The following LONRF2 variants were observed in gnomAD, a reference collection of about 807,000 sequenced individuals.
LONRF2 encodes the protein LON peptidase N-terminal domain and RING finger protein 2.
A neutral mutation model predicts 66.6 loss-of-function variants in LONRF2; 35 were observed. That is an observed-to-expected ratio of 0.53 (90% CI 0.40 to 0.70). The LOEUF (loss-of-function observed/expected upper bound fraction) is 0.70, where lower values mean the gene tolerates loss of function less well. Among genes scored for constraint, LONRF2 ranks in the 30% least tolerant of loss-of-function variants. The pLI is 0.00. For missense variants in LONRF2, 902 were observed against 1,002.1 expected (o/e 0.90, Z 1.35); for synonymous variants, 417 against 418.1 (o/e 1.00, Z 0.03).
In LONRF2 at chr2:100,294,122, G is replaced by A. The variant is rs111889373; in HGVS notation, c.1757+107C>T. The A allele has an allele frequency of 4.9e-4, 644 of 1,317,276 alleles. 5 individuals are homozygous for A. In the African/African-American group the frequency reaches 8.4e-3, roughly 17 times the overall value. 81.6% of individuals were successfully genotyped at this position (1,317,276 alleles called of 1,614,324 possible). A position where few individuals can be genotyped will look rare whatever the true frequency, so the allele number is the denominator to read the frequency against. The stretch of plus-strand genomic sequence containing the variant: ...TTGAACTTGGACTTTGTTACGTAAC[G>A]GGAGCCACTGGAGGTTTTCAAGCAT... On this transcript the variant is annotated intron_variant, in intron 9 of 11. Coordinates refer to ENST00000393437, the MANE Select transcript of LONRF2 (RefSeq NM_198461.4).
chr2:100,299,649 AT>A, intron 5 of LONRF2, 67 bp downstream of exon 5: 2 of 1,228,380 alleles, frequency 1.6e-6, no homozygotes, highest in Non-Finnish European at 2.3e-6. Flanking sequence ...TAAAAAATAT[AT>A]TGAATACTAG....
At chr2:100,316,103 G>A (rs928514701) in intron 1 of LONRF2, among the ~76,000 whole-genome samples, 2 of 152,012 alleles carry the variant, frequency 1.3e-5, no homozygotes, top group East Asian at 1.9e-4. Flanking sequence ...GGCAGATCAC[G>A]AGGTCAGAGA....
intron 2 of LONRF2, among the ~76,000 whole-genome samples, chr2:100,304,468 C>T (rs1346467859): frequency 6.6e-6 from 1 of 152,056 alleles, no homozygotes; most frequent in Admixed American, 6.6e-5. Context: ...TAGTTTCCAT[C>T]TCCCTGTTGA....
intron 1 of LONRF2, among the ~76,000 whole-genome samples, chr2:100,311,864 C>T (rs552101047): frequency 4.6e-5 from 7 of 152,166 alleles, no homozygotes; most frequent in Non-Finnish European, 8.8e-5. Flanking sequence ...TGTCTAGTAC[C>T]GAATTATCCT....
intron 1 of LONRF2, among the ~76,000 whole-genome samples, chr2:100,312,183 A>G (rs1007809909): frequency 3.9e-5 from 6 of 152,150 alleles, no homozygotes; most frequent in African/African-American, 1.2e-4. Context: ...GAGCATCTCA[A>G]TTTTTTTGAA....
chr2:100,277,043 T>G lies in LONRF2; in HGVS notation c.*7255A>C, dbSNP rs1368812231. On this transcript the variant is annotated 3_prime_UTR_variant, in exon 12 of 12. Coordinates refer to ENST00000393437, the MANE Select transcript of LONRF2 (RefSeq NM_198461.4). Reference sequence around the variant, plus strand: ...CGAGGTTCTGATGGCAATGTAGTCCTCATTTACAAATTTTACTTAATCTTC... The same window carrying G: ...CGAGGTTCTGATGGCAATGTAGTCCGCATTTACAAATTTTACTTAATCTTC... 6.6e-6 allele frequency: 1 copy of G among 152,252 alleles called. No homozygotes were observed. Among genetic ancestry groups the G allele is most frequent in the African/African-American group, 2.4e-5 (1 of 41,468 alleles). The allele number at this position is 152,252 out of a possible 1,614,324, so 9.4% of individuals were successfully genotyped here. A position where few individuals can be genotyped will look rare whatever the true frequency, so the allele number is the denominator to read the frequency against.
intron 2 of LONRF2, among the ~76,000 whole-genome samples, chr2:100,304,776 A>AC (rs1221542931): frequency 1.4e-5 from 2 of 144,204 alleles, no homozygotes; most frequent in African/African-American, 5.2e-5. Context: ...GGCGCCTGCC[A>AC]CCATGCCTGG....
At chr2:100,304,312 C>T (rs1315623565) in intron 2 of LONRF2, among the ~76,000 whole-genome samples, 3 of 150,770 alleles carry the variant, frequency 2.0e-5, no homozygotes, top group African/African-American at 7.3e-5. Flanking sequence ...CCCTGCCTGG[C>T]TAATTTTTTT....
chr2:100,284,905 C>A (rs1466975014), intron 11 of LONRF2, among the ~76,000 whole-genome samples: 1 of 152,134 alleles, frequency 6.6e-6, no homozygotes, highest in East Asian at 1.9e-4. Flanking sequence ...AGTATGTGTA[C>A]AAGTTTGAGT....
rs1360874882 is a variant in LONRF2, at chr2:100,282,523, CTTTAT to C, written c.*1770_*1774del. 6.6e-6 allele frequency: 1 copy of C among 152,176 alleles called. No individual in the cohort carries two copies. Among genetic ancestry groups the C allele is most frequent in the African/African-American group, 2.4e-5 (1 of 41,454 alleles). 9.4% of individuals were successfully genotyped at this position (152,176 alleles called of 1,614,324 possible). A position where few individuals can be genotyped will look rare whatever the true frequency, so the allele number is the denominator to read the frequency against. ...TGGCATGTGAGATGCATTTTGTTTT[CTTTAT>C]TTTATTCCAATCAATGAATGATTCA... On this transcript the variant is annotated 3_prime_UTR_variant, in exon 12 of 12. Transcript: ENST00000393437.
At chr2:100,295,244 A>G (rs1675040120) in intron 8 of LONRF2, among the ~76,000 whole-genome samples, 188 bp downstream of exon 8, 1 of 152,202 alleles carries the variant, frequency 6.6e-6, no homozygotes, top group African/African-American at 2.4e-5. Flanking sequence ...AAAATATCTT[A>G]TAAAAAAAGA....
chr2:100,290,461 T>G, intron 9 of LONRF2, 41 bp from the exon 10 acceptor site: 1 of 1,566,482 alleles, frequency 6.4e-7, no homozygotes, highest in Non-Finnish European at 8.6e-7. Context: ...ATTTTTAAAA[T>G]GCAGGGGGCC....
chr2:100,302,933 T>G lies in LONRF2; in HGVS notation c.909A>C (p.Lys303Asn), dbSNP rs1451072096. 2 of 1,603,528 alleles carry G rather than the reference T, an allele frequency of 1.2e-6. No individual in the cohort carries two copies. Among genetic ancestry groups the G allele is most frequent in the Admixed American group, 3.4e-5 (2 of 58,832 alleles). Residue 303 changes from lysine to asparagine, a missense_variant, in exon 3 of 12, where the codon AAA becomes AAC. Coordinates refer to ENST00000393437, the MANE Select transcript of LONRF2 (RefSeq NM_198461.4). ...ACAGAACTCATACCTTCTGTGCTTC[T>G]TTCTTCACAGAGTTACATTCAGGAT... ...ALNPECNSVK[K>N]EAQKVMCEVL... is the part of the protein sequence containing the mutation.
rs927990787 is a variant in LONRF2, at chr2:100,273,061, T to A, written c.*11237A>T. Among the ~76,000 whole-genome samples the A allele has an allele frequency of 6.6e-6, 1 of 152,228 alleles. No homozygotes were observed. The highest frequency in any genetic ancestry group is 1.5e-5 in the Non-Finnish European group (1 of 68,034). On this transcript the variant is annotated 3_prime_UTR_variant, in exon 12 of 12. Transcript: ENST00000393437. ...TAGGGTGGAAGTTAAATCTAATGAC[T>A]GGTGTCCTTATATAAGGAAAGGGAT...
rs956659655 is a variant in LONRF2, at chr2:100,281,672, C to T, written c.*2626G>A. On this transcript the variant is annotated 3_prime_UTR_variant, in exon 12 of 12. Coordinates refer to ENST00000393437, the MANE Select transcript of LONRF2 (RefSeq NM_198461.4). ...TCCCCCACGCTGCTATTACTCTTTT[C>T]TGCTTTGATTCCAATGTAACGAGAG... The T allele has an allele frequency of 6.6e-6, 1 of 152,186 alleles. No homozygotes were observed. Among genetic ancestry groups the T allele is most frequent in the Non-Finnish European group, 1.5e-5 (1 of 68,026 alleles). 9.4% of individuals were successfully genotyped at this position (152,186 alleles called of 1,614,324 possible).
intron 3 of LONRF2, among the ~76,000 whole-genome samples, chr2:100,302,100 T>C (rs1675196308): frequency 6.6e-6 from 1 of 152,170 alleles, no homozygotes; most frequent in Non-Finnish European, 1.5e-5. Context: ...CAAGTGAAGG[T>C]AAAATTTCAC....
Position 100,280,833 on chromosome 2 carries a change from T to C in LONRF2, c.*3465A>G, listed in dbSNP as rs1460616316. 2 of 152,140 alleles carry C rather than the reference T, an allele frequency of 1.3e-5. No homozygotes were observed. Among genetic ancestry groups the C allele is most frequent in the Non-Finnish European group, 2.9e-5 (2 of 68,022 alleles). The allele number at this position is 152,140 out of a possible 1,614,324, so 9.4% of individuals were successfully genotyped here. A position where few individuals can be genotyped will look rare whatever the true frequency, so the allele number is the denominator to read the frequency against. On this transcript the variant is annotated 3_prime_UTR_variant, in exon 12 of 12. Coordinates refer to ENST00000393437, the MANE Select transcript of LONRF2 (RefSeq NM_198461.4). The stretch of plus-strand genomic sequence containing the variant: ...ACCTCCCTACCCTACTCAATAGTTA[T>C]ACTGGGGAAAAATAAAACTCTGTGC...
intron 1 of LONRF2, among the ~76,000 whole-genome samples, chr2:100,311,204 AT>A: frequency 6.6e-6 from 1 of 152,270 alleles, no homozygotes; most frequent in Non-Finnish European, 1.5e-5. Context: ...CAACTAAAAG[AT>A]TGGTGAAAAT....
chr2:100,284,533 A>G (rs767746368), intron 11 of LONRF2, 41 bp from the exon 12 acceptor site: 18 of 1,457,794 alleles, frequency 1.2e-5, no homozygotes, highest in Non-Finnish European at 1.6e-5. Flanking sequence ...AACACTGGAA[A>G]TGCAAGCCTG....
Sources: allele counts gnomAD v4.1 joint callset (sites outside exome capture counted in the v4.1 genomes callset), GRCh38; gene constraint gnomAD v4.1.1; transcripts MANE v1.5; gene names NCBI Gene and HGNC (gene_info 2026-07-23, HGNC 2026-07-21).